The following KIF3B variants were observed in gnomAD, a reference collection of about 807,000 sequenced individuals.
The protein encoded by KIF3B is kinesin-like protein KIF3B.
In KIF3B, 38 loss-of-function variants were observed where a neutral mutation model predicts 74.3. The ratio of observed to expected loss-of-function variants is 0.51; its 90% confidence interval spans 0.39 to 0.67. The LOEUF (loss-of-function observed/expected upper bound fraction) is 0.67. Among genes scored for constraint, KIF3B ranks in the 30% least tolerant of loss-of-function variants. KIF3B has a pLI of 0.00. For missense variants in KIF3B, 649 were observed against 932.0 expected, an observed-to-expected ratio of 0.70 and a Z score of 3.95; for synonymous variants, 326 against 342.5, an observed-to-expected ratio of 0.95 and a Z score of 0.53.
At chr20:32,279,083 C>T (rs1158639907) in intron 1 of KIF3B, among the ~76,000 whole-genome samples, 1 of 151,938 alleles carries the variant, frequency 6.6e-6, no homozygotes, top group African/African-American at 2.4e-5. Flanking sequence ...ACCACCTCGT[C>T]CACTAATTTT....
chr20:32,290,896 T>C (rs1296312279), intron 1 of KIF3B, among the ~76,000 whole-genome samples: 1 of 148,630 alleles, frequency 6.7e-6, no homozygotes, highest in Non-Finnish European at 1.5e-5. Context: ...AAAAAGAAAA[T>C]ATATATAGTG....
intron 1 of KIF3B, among the ~76,000 whole-genome samples, chr20:32,288,861 G>T (rs1272166431): frequency 6.6e-6 from 1 of 152,158 alleles, no homozygotes; most frequent in Non-Finnish European, 1.5e-5. Context: ...GACTTTTGAA[G>T]AGGGATTTTT....
chr20:32,311,140 C>T lies in KIF3B; in HGVS notation c.1363C>T (p.Arg455Trp), dbSNP rs769624947. 7.4e-6 allele frequency: 12 copies of T among 1,612,422 alleles called. No individual in the cohort carries two copies. The highest frequency in any genetic ancestry group is 5.5e-5 in the South Asian group (5 of 90,758). Residue 455 changes from arginine (R) to tryptophan (W), a missense_variant, in exon 2 of 9, where the codon CGG (arginine) becomes TGG (tryptophan). Transcript: ENST00000375712. ...AGAGAAAAAGATGGAGGACCTGCGGCGGGAGAAGGATGCTGCCGAGATGCT... is the reference window on the plus strand; with the variant it reads ...AGAGAAAAAGATGGAGGACCTGCGGTGGGAGAAGGATGCTGCCGAGATGCT... ...EKEKKMEDLR[R>W]EKDAAEMLGA...
rs114104835 is a variant in KIF3B, at chr20:32,300,974, C to A, written c.-65-8739C>A. Among the ~76,000 whole-genome samples, 224 of 151,566 alleles carry A rather than the reference C, an allele frequency of 1.5e-3. 2 individuals carry two copies. Among genetic ancestry groups the A allele is most frequent in the African/African-American group, 5.0e-3 (208 of 41,288 alleles). Reference sequence around the variant, plus strand: ...TTGACTTGGGCTTACGTGATCCTCTCGCCTCAATCTCTCGACTAGCTAGGA... The same window carrying A: ...TTGACTTGGGCTTACGTGATCCTCTAGCCTCAATCTCTCGACTAGCTAGGA... On this transcript the variant is annotated intron_variant, in intron 1 of 8. Coordinates refer to ENST00000375712, the MANE Select transcript of KIF3B (RefSeq NM_004798.4).
intron 5 of KIF3B, among the ~76,000 whole-genome samples, chr20:32,319,561 G>GT (rs770481373): frequency 0.33 from 40,714 of 122,290 alleles, 7,562 homozygotes; most frequent in East Asian, 0.74. Context: ...TATATATATA[G>GT]TTTTTTTTTG....
At chr20:32,303,716 G>A (rs940680868) in intron 1 of KIF3B, among the ~76,000 whole-genome samples, 2 of 150,892 alleles carry the variant, frequency 1.3e-5, no homozygotes, top group Admixed American at 1.3e-4. Flanking sequence ...TTAACCATGT[G>A]TGTTGGTGGG....
intron 7 of KIF3B, 98 bp from the exon 8 acceptor site, chr20:32,330,043 G>T (rs2047922583): frequency 9.2e-7 from 1 of 1,092,104 alleles, no homozygotes; most frequent in South Asian, 1.8e-5. Context: ...TGAATAACAA[G>T]CAATTTGCAC....
At chr20:32,305,037 A>G (rs979397569) in intron 1 of KIF3B, among the ~76,000 whole-genome samples, 4 of 151,912 alleles carry the variant, frequency 2.6e-5, no homozygotes, top group Non-Finnish European at 5.9e-5. Flanking sequence ...AGTCCCAGCT[A>G]CTTAGGAGGC....
chr20:32,314,780 G>T (rs2047818769), intron 2 of KIF3B, among the ~76,000 whole-genome samples: 1 of 152,070 alleles, frequency 6.6e-6, no homozygotes, highest in Non-Finnish European at 1.5e-5. Flanking sequence ...AATGCTGAAG[G>T]CTCCCAATCT....
chr20:32,322,131 G>T (rs898386171), intron 5 of KIF3B, among the ~76,000 whole-genome samples: 4 of 152,050 alleles, frequency 2.6e-5, no homozygotes, highest in African/African-American at 9.7e-5. Context: ...TAAGTATTCA[G>T]ATCCATGAAC....
At chr20:32,309,639 A>T in intron 1 of KIF3B, 74 bp from the exon 2 acceptor site, 1 of 848,074 alleles carries the variant, frequency 1.2e-6, no homozygotes, top group Non-Finnish European at 1.8e-6. Flanking sequence ...AAGACTATTT[A>T]GGTGTGTCAG....
chr20:32,323,673 TCAAGAC>T lies in KIF3B; in HGVS notation c.1749-3095_1749-3090del, dbSNP rs1369231695. Among the ~76,000 whole-genome samples the T allele has an allele frequency of 6.6e-5, 10 of 151,862 alleles. No individual in the cohort carries two copies. The South Asian group carries it at 2.1e-3, about 32-fold the overall frequency. ...GCAGGTGGATCATGAGGTCAGGAGT[TCAAGAC>T]CAGCCTGGCCAAGATGGTGAAACCC... On this transcript the variant is annotated intron_variant, in intron 5 of 8. Transcript: ENST00000375712.
chr20:32,310,781 A>G lies in KIF3B; in HGVS notation c.1004A>G (p.Asn335Ser). Residue 335 changes from asparagine (N) to serine (S), a missense_variant, in exon 2 of 9, where the codon AAC (asparagine) becomes AGC (serine). Coordinates refer to ENST00000375712, the MANE Select transcript of KIF3B (RefSeq NM_004798.4). This position sits in a 1 kb window ranked among gnomAD's most constrained non-coding sequence, Gnocchi z 6.5. ...ACTCTGACCACTCTGCGATATGCCAACCGTGCCAAAAACATTAAGAACAAA... is the reference window on the plus strand; with the variant it reads ...ACTCTGACCACTCTGCGATATGCCAGCCGTGCCAAAAACATTAAGAACAAA... Reference protein sequence around the residue: ...EETLTTLRYANRAKNIKNKPR... With the variant: ...EETLTTLRYASRAKNIKNKPR... The G allele has an allele frequency of 3.1e-6, 5 of 1,614,166 alleles. No individual in the cohort carries two copies. The highest frequency in any genetic ancestry group is 1.7e-5 in the Admixed American group (1 of 60,006).
In KIF3B at chr20:32,331,554, A is replaced by G. The variant is rs1265569919; in HGVS notation, c.*235A>G. 1 of 524,500 alleles carries G rather than the reference A, an allele frequency of 1.9e-6. No individual in the cohort carries two copies. The highest frequency in any genetic ancestry group is 2.0e-5 in the African/African-American group (1 of 50,558). 32.5% of individuals were successfully genotyped at this position (524,500 alleles called of 1,614,324 possible). A position where few individuals can be genotyped will look rare whatever the true frequency, so the allele number is the denominator to read the frequency against. Reference sequence around the variant, plus strand: ...CATCTCAGAAATGCATGGGTAAGGTAAAGTGCGATAGTTCAAGTGGAAAGC... The same window carrying G: ...CATCTCAGAAATGCATGGGTAAGGTGAAGTGCGATAGTTCAAGTGGAAAGC... On this transcript the variant is annotated 3_prime_UTR_variant, in exon 9 of 9. Coordinates refer to ENST00000375712, the MANE Select transcript of KIF3B (RefSeq NM_004798.4).
chr20:32,322,920 TTATATATACATATTTA>T lies in KIF3B; in HGVS notation c.1749-3808_1749-3793del, dbSNP rs1234469066. Reference sequence around the variant, plus strand: ...CATATTCATATATATTTTTATATATTTATATATACATATTTATATATATACATATTTATATATATAC... The same window carrying T: ...CATATTCATATATATTTTTATATATTTATATATACATATTTATATATATAC... On this transcript the variant is annotated intron_variant, in intron 5 of 8. Coordinates refer to ENST00000375712, the MANE Select transcript of KIF3B (RefSeq NM_004798.4). 1.3e-3 allele frequency among the ~76,000 whole-genome samples: 77 copies of T among 59,816 alleles called. 6 individuals are homozygous for T. Among genetic ancestry groups the T allele is most frequent in the African/African-American group, 1.8e-3 (19 of 10,626 alleles). 39.2% of individuals were successfully genotyped at this position (59,816 alleles called of 152,430 possible). A position where few individuals can be genotyped will look rare whatever the true frequency, so the allele number is the denominator to read the frequency against.
rs752579423 is a variant in KIF3B at position 32,320,507 on chromosome 20, G to A, written c.1748+3633G>A. Among the ~76,000 whole-genome samples, 220 of 149,032 alleles carry A rather than the reference G, an allele frequency of 1.5e-3. 1 individual carries two copies. The highest frequency in any genetic ancestry group is 2.7e-3 in the Non-Finnish European group (180 of 67,500). ...TGTGTGTGTGTGTGTGTGTGCATGT[G>A]TGTGTTTTGTTAGTTTTTTTTTTTT... On this transcript the variant is annotated intron_variant, in intron 5 of 8. Transcript: ENST00000375712.
chr20:32,316,362 T>A, intron 3 of KIF3B, 43 bp downstream of exon 3: 1 of 1,536,396 alleles, frequency 6.5e-7, no homozygotes, highest in Non-Finnish European at 9.0e-7. Flanking sequence ...TGAGGTAAGG[T>A]GTGTTTATGC....
chr20:32,320,867 T>G (rs2047856584), intron 5 of KIF3B, among the ~76,000 whole-genome samples: 1 of 152,060 alleles, frequency 6.6e-6, no homozygotes, highest in Non-Finnish European at 1.5e-5. Flanking sequence ...GACATTTGGG[T>G]TATTTCTACT....
At chr20:32,306,269 G>T (rs1282362798) in intron 1 of KIF3B, among the ~76,000 whole-genome samples, 1 of 151,640 alleles carries the variant, frequency 6.6e-6, no homozygotes, top group African/African-American at 2.4e-5. Context: ...GGTGGCATGT[G>T]CCTGTAATCC....
Sources: allele counts gnomAD v4.1 joint callset (sites outside exome capture counted in the v4.1 genomes callset), GRCh38; gene constraint gnomAD v4.1.1; non-coding constraint Gnocchi (gnomAD v3.1); transcripts MANE v1.5; gene names NCBI Gene and HGNC (gene_info 2026-07-23, HGNC 2026-07-21).